Variants in CTNNA1 observed in about 807,000 individuals in gnomAD.
The protein encoded by CTNNA1 is catenin alpha-1.
A neutral mutation model predicts 98.4 loss-of-function variants in CTNNA1; 37 were observed. That is an observed-to-expected ratio of 0.38 (90% CI 0.29 to 0.49). The LOEUF is 0.49. Ranked by LOEUF, CTNNA1 falls within the 20% of genes least tolerant of loss-of-function variation. The pLI is 0.95. For synonymous variants in CTNNA1, 404 were observed against 413.2 expected, an observed-to-expected ratio of 0.98 and a Z score of 0.27; for missense variants, 761 against 1,147.2, an observed-to-expected ratio of 0.66 and a Z score of 4.86.
intron 5 of CTNNA1, among the ~76,000 whole-genome samples, chr5:138,821,287 G>A (rs1271258935): frequency 6.6e-6 from 1 of 152,204 alleles, no homozygotes; most frequent in African/African-American, 2.4e-5. Context: ...TCATATTGTC[G>A]ACTCTGGCTT....
intron 11 of CTNNA1, among the ~76,000 whole-genome samples, chr5:138,919,389 A>C (rs891300646): frequency 3.9e-5 from 6 of 152,208 alleles, no homozygotes; most frequent in Admixed American, 6.5e-5. Flanking sequence ...CTTGGTCTCA[A>C]GGGATTTTCA....
intron 10 of CTNNA1, among the ~76,000 whole-genome samples, chr5:138,910,805 AAGG>A: frequency 6.6e-6 from 1 of 152,248 alleles, no homozygotes; most frequent in Non-Finnish European, 1.5e-5. Context: ...AGCTTGGAGG[AAGG>A]AGATCAGATA....
intron 3 of CTNNA1, among the ~76,000 whole-genome samples, chr5:138,786,126 T>C (rs187123793): frequency 5.9e-5 from 9 of 152,350 alleles, no homozygotes; most frequent in Non-Finnish European, 1.3e-4. Context: ...TTTTCTGTCC[T>C]AGTCCACTTT....
At chr5:138,911,735 C>T (rs1760673850) in intron 10 of CTNNA1, among the ~76,000 whole-genome samples, 1 of 152,154 alleles carries the variant, frequency 6.6e-6, no homozygotes, top group African/African-American at 2.4e-5. Flanking sequence ...TGTTTTAAGC[C>T]ACTACATTTG....
intron 10 of CTNNA1, among the ~76,000 whole-genome samples, chr5:138,905,476 CTG>C (rs546370866): frequency 1.5e-3 from 230 of 152,324 alleles, no homozygotes; most frequent in Non-Finnish European, 2.4e-3. Flanking sequence ...ATTTGGGTCT[CTG>C]TGTTGGAGGA....
chr5:138,922,924 A>G (rs1763210475), intron 11 of CTNNA1, among the ~76,000 whole-genome samples: 1 of 139,992 alleles, frequency 7.1e-6, no homozygotes, highest in African/African-American at 2.7e-5. Context: ...GAAAGTCTAA[A>G]TGGATTAAAA....
At chr5:138,796,515 G>A (rs1312325208) in intron 3 of CTNNA1, among the ~76,000 whole-genome samples, 4 of 149,550 alleles carry the variant, frequency 2.7e-5, no homozygotes, top group Non-Finnish European at 4.4e-5. Context: ...CTGCACTCCA[G>A]CCTGAGCGAC....
At chr5:138,806,370 T>G (rs1368704437) in intron 3 of CTNNA1, among the ~76,000 whole-genome samples, 1 of 151,954 alleles carries the variant, frequency 6.6e-6, no homozygotes, top group Non-Finnish European at 1.5e-5. Context: ...TTTTTTTTTC[T>G]AAATCTTTCC....
At chr5:138,789,187 T>C (rs976940325) in intron 3 of CTNNA1, among the ~76,000 whole-genome samples, 13 of 67,572 alleles carry the variant, frequency 1.9e-4, no homozygotes, top group Non-Finnish European at 2.9e-4. Context: ...TTTCCTGTTT[T>C]TCCCCCCCCC....
chr5:138,875,501 A>C, intron 7 of CTNNA1: 1 of 985,442 alleles, frequency 1.0e-6, no homozygotes, highest in African/African-American at 1.7e-5. Flanking sequence ...AAAGCGAGAA[A>C]GAAGAACTCC....
intron 9 of CTNNA1, 49 bp downstream of exon 9, chr5:138,887,691 T>C: frequency 6.5e-7 from 1 of 1,532,202 alleles, no homozygotes; most frequent in Non-Finnish European, 8.9e-7. Flanking sequence ...TGGTGAAGTG[T>C]GGTGAGTTTT....
At chr5:138,844,072 A>ATTGCTTAAATT (rs1762492862) in intron 7 of CTNNA1, among the ~76,000 whole-genome samples, 1 of 122,632 alleles carries the variant, frequency 8.2e-6, no homozygotes, top group South Asian at 2.9e-4. Flanking sequence ...TTCTTTTTAA[A>ATTGCTTAAATT]CCAAAGTGGA....
chr5:138,932,271 G>A, intron 16 of CTNNA1: 1 of 1,149,662 alleles, frequency 8.7e-7, no homozygotes, highest in Non-Finnish European at 1.1e-6. Flanking sequence ...GGGGATCCTT[G>A]GCCAGGGTGG....
At chr5:138,904,265 TG>T (rs1758683667) in intron 9 of CTNNA1, 83 bp from the exon 10 acceptor site, 13 of 1,466,002 alleles carry the variant, frequency 8.9e-6, no homozygotes, top group Non-Finnish European at 1.2e-5. Context: ...TGTTCCAGAA[TG>T]GTCAGAGGTA....
chr5:138,810,730 T>C (rs1758596835), intron 4 of CTNNA1, among the ~76,000 whole-genome samples: 2 of 152,204 alleles, frequency 1.3e-5, no homozygotes, highest in African/African-American at 4.8e-5. Context: ...TCTCAATCTT[T>C]TCCCCACCTT....
chr5:138,783,407 A>T lies in CTNNA1; in HGVS notation c.301+35A>T, dbSNP rs762387564. 5.2e-6 allele frequency: 8 copies of T among 1,543,296 alleles called. No homozygotes were observed. In the East Asian group the frequency reaches 1.8e-4, roughly 35 times the overall value. The stretch of plus-strand genomic sequence containing the variant: ...TACTGCTTTTTAGGTAAAGAGAGGC[A>T]GGCCTTTCTAGAAAATCAGTGTTTG... On this transcript the variant is annotated intron_variant, in intron 3 of 17. Coordinates refer to ENST00000302763, the MANE Select transcript of CTNNA1 (RefSeq NM_001903.5).
intron 10 of CTNNA1, among the ~76,000 whole-genome samples, chr5:138,912,230 G>A (rs375245923): frequency 1.3e-5 from 2 of 152,284 alleles, no homozygotes; most frequent in East Asian, 3.9e-4. Flanking sequence ...AGCCCCGGAA[G>A]CTGACTGTGT....
rs1580832826 is a variant in CTNNA1, at chr5:138,756,865, A to G, written c.-3+3355A>G. Among the ~76,000 whole-genome samples, 3 of 152,112 alleles carry G rather than the reference A, an allele frequency of 2.0e-5. No individual in the cohort carries two copies. In the South Asian group the frequency reaches 6.2e-4, roughly 32 times the overall value. ...GATGGTGGAGTACGAGGTGGTAGGGATGAAGGGAGCTGTATTTTGGAGAAA... is the reference window on the plus strand; with the variant it reads ...GATGGTGGAGTACGAGGTGGTAGGGGTGAAGGGAGCTGTATTTTGGAGAAA... On this transcript the variant is annotated intron_variant, in intron 1 of 17. Transcript: ENST00000302763.
At position 138,934,779 on chromosome 5, in the gene CTNNA1, C is replaced by T. The variant is rs1482518645; in HGVS notation, c.*690C>T. On this transcript the variant is annotated 3_prime_UTR_variant, in exon 18 of 18. Coordinates refer to ENST00000302763, the MANE Select transcript of CTNNA1 (RefSeq NM_001903.5). ...TTTCTCCCAGCTTCAAATGCAAATT[C>T]ATCATTGGGCTCACTTCTAATAACT... The T allele has an allele frequency of 6.6e-6, 1 of 152,638 alleles. No homozygotes were observed. Among genetic ancestry groups the T allele is most frequent in the Non-Finnish European group, 1.5e-5 (1 of 68,090 alleles). 9.5% of individuals were successfully genotyped at this position (152,638 alleles called of 1,614,324 possible).
Sources: allele counts gnomAD v4.1 joint callset (sites outside exome capture counted in the v4.1 genomes callset), GRCh38; gene constraint gnomAD v4.1.1; transcripts MANE v1.5; gene names NCBI Gene and HGNC (gene_info 2026-07-23, HGNC 2026-07-21).